The following KALRN variants were observed in gnomAD, a reference collection of about 807,000 sequenced individuals.
The protein encoded by KALRN is kalirin RhoGEF kinase.
Under a neutral mutation model 353.7 loss-of-function variants are expected in KALRN, and 70 were observed. The observed-to-expected ratio is 0.20, with a 90% CI of 0.16 to 0.24. KALRN has a LOEUF of 0.24. KALRN is among the 10% of genes least tolerant of loss of function. The pLI, the probability that KALRN is intolerant of heterozygous loss-of-function variation, is 1.00. For synonymous variants in KALRN, 1,391 were observed against 1,434.8 expected (o/e 0.97, Z 0.69); for missense variants, 2,791 against 3,756.7 (o/e 0.74, Z 6.72).
chr3:124,688,608 G>A (rs2061669635), intron 51 of KALRN, among the ~76,000 whole-genome samples: 1 of 152,080 alleles, frequency 6.6e-6, no homozygotes, highest in South Asian at 2.1e-4. Flanking sequence ...AGGGTATTTG[G>A]TTTATGTTTA....
At chr3:124,160,120 A>T (rs1417519989) in intron 1 of KALRN, among the ~76,000 whole-genome samples, 2 of 150,712 alleles carry the variant, frequency 1.3e-5, no homozygotes, top group African/African-American at 4.9e-5. Context: ...GTCTTTGCAG[A>T]TATAATTAGT....
At chr3:124,264,123 C>G (rs2073229794) in intron 3 of KALRN, among the ~76,000 whole-genome samples, 1 of 150,172 alleles carries the variant, frequency 6.7e-6, no homozygotes, top group Non-Finnish European at 1.5e-5. Flanking sequence ...TATCTCTAAT[C>G]CGAAAATCCA....
At chr3:124,666,143 AG>A (rs1302890676) in intron 45 of KALRN, among the ~76,000 whole-genome samples, 2 of 152,164 alleles carry the variant, frequency 1.3e-5, no homozygotes, top group African/African-American at 4.8e-5. Flanking sequence ...AAGAAGGGCC[AG>A]GATTATGGCT....
At chr3:124,158,410 T>C (rs1489708813) in intron 1 of KALRN, among the ~76,000 whole-genome samples, 1 of 152,208 alleles carries the variant, frequency 6.6e-6, no homozygotes. Flanking sequence ...ACCTCTCAGA[T>C]GCCAGCACCA....
At chr3:124,443,984 T>A (rs1296550475) in intron 19 of KALRN, among the ~76,000 whole-genome samples, 1 of 152,364 alleles carries the variant, frequency 6.6e-6, no homozygotes, top group Non-Finnish European at 1.5e-5. Context: ...CAGTTTCCTT[T>A]TCACCTACTA....
At chr3:124,601,503 C>G (rs1054098306) in intron 34 of KALRN, among the ~76,000 whole-genome samples, 2 of 152,156 alleles carry the variant, frequency 1.3e-5, no homozygotes, top group Non-Finnish European at 2.9e-5. Context: ...TCTGGTAGAT[C>G]CTATGGCTGA....
chr3:124,653,591 G>C (rs1188941013), intron 38 of KALRN, among the ~76,000 whole-genome samples: 4 of 152,176 alleles, frequency 2.6e-5, no homozygotes, highest in Non-Finnish European at 5.9e-5. Flanking sequence ...CCTGGCATTT[G>C]CACAAAGACC....
At chr3:124,597,284 A>T (rs754178914) in intron 34 of KALRN, among the ~76,000 whole-genome samples, 1 of 152,230 alleles carries the variant, frequency 6.6e-6, no homozygotes, top group Non-Finnish European at 1.5e-5. Context: ...AGTTGGTCCC[A>T]AGTAAACCAA....
intron 3 of KALRN, among the ~76,000 whole-genome samples, chr3:124,260,591 C>T (rs561925140): frequency 6.6e-6 from 1 of 152,176 alleles, no homozygotes; most frequent in East Asian, 1.9e-4. Context: ...GGCTAAGGGT[C>T]CTTTGGGCGG....
intron 28 of KALRN, among the ~76,000 whole-genome samples, chr3:124,483,498 T>G (rs1438314776): frequency 6.6e-6 from 1 of 152,082 alleles, no homozygotes; most frequent in East Asian, 1.9e-4. Flanking sequence ...GTTGCAGTGA[T>G]CCGAGATCGT....
intron 5 of KALRN, among the ~76,000 whole-genome samples, chr3:124,270,052 A>G (rs1181544339): frequency 1.3e-5 from 2 of 152,242 alleles, no homozygotes; most frequent in African/African-American, 4.8e-5. Flanking sequence ...AAAATTGCAT[A>G]TAGTGCCTCT....
chr3:124,514,239 C>T (rs1461790876), intron 33 of KALRN, among the ~76,000 whole-genome samples: 1 of 152,134 alleles, frequency 6.6e-6, no homozygotes, highest in Non-Finnish European at 1.5e-5. Context: ...CACAGAGTTC[C>T]TCTGTAGGTA....
chr3:124,445,781 CT>C (rs1291459805), intron 19 of KALRN, among the ~76,000 whole-genome samples: 1 of 152,206 alleles, frequency 6.6e-6, no homozygotes, highest in African/African-American at 2.4e-5. Flanking sequence ...ACTGAGATTC[CT>C]GTCAAGGTCC....
At chr3:124,532,115 T>A (rs1324662545) in intron 33 of KALRN, among the ~76,000 whole-genome samples, 1 of 152,164 alleles carries the variant, frequency 6.6e-6, no homozygotes, top group Non-Finnish European at 1.5e-5. Flanking sequence ...TGGCATAAGA[T>A]TCTCTACACA....
chr3:124,496,441 C>T (rs755764753), intron 33 of KALRN, 28 bp downstream of exon 33: 2 of 1,536,438 alleles, frequency 1.3e-6, no homozygotes, highest in South Asian at 2.2e-5. Flanking sequence ...CCTTCCTTCC[C>T]CTGAGACTTC....
At chr3:124,520,479 G>T (rs563895376) in intron 33 of KALRN, among the ~76,000 whole-genome samples, 3 of 152,040 alleles carry the variant, frequency 2.0e-5, no homozygotes, top group Admixed American at 2.0e-4. Context: ...CTAGGGCAGG[G>T]GTCCCCAACC....
chr3:124,563,134 G>A lies in KALRN; in HGVS notation c.5182+45G>A, dbSNP rs191083461. ...GGGAGGCACAGACCAAGGAGGCCAT[G>A]AGCGCTGGCCTGACTCTAGCTGAAG... is the stretch of plus-strand genomic sequence containing the variant. On this transcript the variant is annotated intron_variant, in intron 34 of 59. Transcript: ENST00000682506. The A allele has an allele frequency of 3.0e-5, 40 of 1,347,012 alleles. No homozygotes were observed. The East Asian group carries it at 9.2e-4, about 31-fold the overall frequency. The allele number at this position is 1,347,012 out of a possible 1,614,324, so 83.4% of individuals were successfully genotyped here.
chr3:124,073,528 C>T (rs72970983), intron 1 of KALRN, among the ~76,000 whole-genome samples: 1 of 152,302 alleles, frequency 6.6e-6, no homozygotes, highest in African/African-American at 2.4e-5. Context: ...CAGTCACCCC[C>T]ACTTTTTTTA....
At chr3:124,272,278 T>G (rs1486454912) in intron 5 of KALRN, among the ~76,000 whole-genome samples, 1 of 152,164 alleles carries the variant, frequency 6.6e-6, no homozygotes, top group Non-Finnish European at 1.5e-5. Flanking sequence ...CCTGAAGTAG[T>G]GATGAATGTA....
Sources: gnomAD v4.1 joint callset for allele counts (sites outside exome capture counted in the v4.1 genomes callset) on GRCh38, gnomAD v4.1.1 for gene constraint, MANE v1.5 for transcripts, NCBI Gene and HGNC (gene_info 2026-07-23, HGNC 2026-07-21) for gene names.